ECT2L: variants seen among roughly 807,000 people sequenced by gnomAD.
ECT2L encodes epithelial cell transforming 2 like.
ECT2L carries 126 observed loss-of-function variants against 122.8 expected under a neutral mutation model. The observed-to-expected ratio is 1.03, with a 90% CI of 0.89 to 1.19. ECT2L has a LOEUF of 1.19. Ranked by LOEUF, ECT2L falls within the 50% of genes most tolerant of loss-of-function variation. The pLI is 0.00. For missense variants in ECT2L, 1,012 were observed against 1,064.1 expected, an observed-to-expected ratio of 0.95 and a Z score of 0.68; for synonymous variants, 385 against 381.8, an observed-to-expected ratio of 1.01 and a Z score of -0.10.
intron 20 of ECT2L, among the ~76,000 whole-genome samples, chr6:138,889,529 A>G (rs1778945307): frequency 6.6e-6 from 1 of 152,166 alleles, no homozygotes; most frequent in African/African-American, 2.4e-5. Flanking sequence ...CATGTTGGCC[A>G]GGTTGGTCTC....
At chr6:138,894,776 A>G (rs1411239340) in intron 20 of ECT2L, among the ~76,000 whole-genome samples, 1 of 152,152 alleles carries the variant, frequency 6.6e-6, no homozygotes, top group Non-Finnish European at 1.5e-5. Context: ...CCACTTGTAA[A>G]TGCTACTAAT....
At chr6:138,818,000 C>T (rs987695039) in intron 4 of ECT2L, among the ~76,000 whole-genome samples, 4 of 152,156 alleles carry the variant, frequency 2.6e-5, no homozygotes, top group Non-Finnish European at 4.4e-5. Context: ...CAGAGAAACC[C>T]GTGAGGAGTT....
intron 5 of ECT2L, 118 bp from the exon 6 acceptor site, chr6:138,842,861 A>G (rs1051975094): frequency 5.3e-6 from 5 of 943,488 alleles, no homozygotes; most frequent in Admixed American, 6.0e-5. Flanking sequence ...ACAAATTCTC[A>G]GAGATTTTTG....
chr6:138,798,486 A>T (rs891016051), intron 1 of ECT2L, among the ~76,000 whole-genome samples: 2 of 152,222 alleles, frequency 1.3e-5, no homozygotes, highest in African/African-American at 4.8e-5. Flanking sequence ...TTCTCCTAGC[A>T]TCCCTATCTA....
At chr6:138,835,394 C>A (rs1776797056) in intron 4 of ECT2L, among the ~76,000 whole-genome samples, 1 of 151,610 alleles carries the variant, frequency 6.6e-6, no homozygotes, top group South Asian at 2.1e-4. Context: ...ATTAAAAATA[C>A]AAAAAAATTA....
At position 138,855,904 on chromosome 6, in the gene ECT2L, A is replaced by G. The variant is rs545726594; in HGVS notation, c.1198+1750A>G. Among the ~76,000 whole-genome samples, 3 of 152,384 alleles carry G rather than the reference A, an allele frequency of 2.0e-5. No individual in the cohort carries two copies. The South Asian group carries it at 6.2e-4, about 32-fold the overall frequency. ...GACTTGGGAAAGTATTGAAAGGCAG[A>G]GTAAGAATAAAGCGGGAAAAGTGGA... On this transcript the variant is annotated intron_variant, in intron 10 of 21. Transcript: ENST00000541398.
At chr6:138,885,005 T>C (rs1323508358) in intron 16 of ECT2L, among the ~76,000 whole-genome samples, 2 of 151,308 alleles carry the variant, frequency 1.3e-5, no homozygotes, top group Admixed American at 6.6e-5. Flanking sequence ...CAGGTCTATG[T>C]ATAATTAACA....
chr6:138,892,364 C>G (rs1263113213), intron 20 of ECT2L, among the ~76,000 whole-genome samples: 1 of 152,148 alleles, frequency 6.6e-6, no homozygotes, highest in Non-Finnish European at 1.5e-5. Flanking sequence ...TCTACTTTTT[C>G]CATTAAAGCC....
chr6:138,799,247 A>G (rs1775447140), intron 1 of ECT2L, among the ~76,000 whole-genome samples: 1 of 149,860 alleles, frequency 6.7e-6, no homozygotes, highest in African/African-American at 2.5e-5. Context: ...GTAACCTTGG[A>G]TGATTTTCTG....
Position 138,836,052 on chromosome 6 carries a change from G to A in ECT2L, c.180-2300G>A, listed in dbSNP as rs187351537. Among the ~76,000 whole-genome samples, 63 of 152,130 alleles carry A rather than the reference G, an allele frequency of 4.1e-4. 1 individual carries two copies. Among genetic ancestry groups the A allele is most frequent in the Admixed American group, 3.3e-3 (50 of 15,292 alleles). ...GTTATGCCTTCTTGGCAGGAATAGC[G>A]CGGAAATGATGCTGTGTTCTCAGTG... On this transcript the variant is annotated intron_variant, in intron 4 of 21. Transcript: ENST00000541398.
Position 138,903,433 on chromosome 6 carries a change from T to C in ECT2L, c.*806T>C, listed in dbSNP as rs1303573075. ...CTCAAAAACTTGTCACACTTATCCT[T>C]AGTATGAATGTACTCCTCTAGAGAG... On this transcript the variant is annotated 3_prime_UTR_variant, in exon 22 of 22. Transcript: ENST00000541398. The C allele has an allele frequency of 3.3e-5, 5 of 152,154 alleles. No individual in the cohort carries two copies. The highest frequency in any genetic ancestry group is 6.5e-5 in the Admixed American group (1 of 15,284). 9.4% of individuals were successfully genotyped at this position (152,154 alleles called of 1,614,324 possible). A position where few individuals can be genotyped will look rare whatever the true frequency, so the allele number is the denominator to read the frequency against.
chr6:138,826,454 G>A (rs148186112), intron 4 of ECT2L, among the ~76,000 whole-genome samples: 46 of 152,100 alleles, frequency 3.0e-4, no homozygotes, highest in African/African-American at 9.6e-4. Flanking sequence ...TTGGGAGGCC[G>A]AGGCGGGAGG....
chr6:138,798,647 C>T (rs760986530), intron 1 of ECT2L, among the ~76,000 whole-genome samples: 8 of 152,168 alleles, frequency 5.3e-5, no homozygotes, highest in Non-Finnish European at 1.0e-4. Flanking sequence ...TTCCGAGTTC[C>T]TCATCAATAT....
intron 1 of ECT2L, among the ~76,000 whole-genome samples, chr6:138,803,429 T>A (rs1165323905): frequency 3.9e-5 from 6 of 152,098 alleles, no homozygotes; most frequent in Non-Finnish European, 8.8e-5. Context: ...ATTATATAAC[T>A]CAGTAATCCC....
intron 1 of ECT2L, among the ~76,000 whole-genome samples, chr6:138,804,999 C>T (rs1184020966): frequency 6.6e-6 from 1 of 152,156 alleles, no homozygotes. Context: ...AATCATTACC[C>T]TCTCTTTCCT....
At chr6:138,797,561 C>A (rs1297987739) in intron 1 of ECT2L, among the ~76,000 whole-genome samples, 2 of 152,136 alleles carry the variant, frequency 1.3e-5, no homozygotes, top group Non-Finnish European at 2.9e-5. Flanking sequence ...TCTGTGTGAT[C>A]CCAGTGAGGA....
rs1358246949 is a variant in ECT2L, at chr6:138,814,572, A to G, written c.148A>G (p.Ile50Val). ...NKQRQEFLFA[I>V]FLRCTKSQLR... ...GCAACGTCAAGAATTCTTATTCGCAATTTTTTTAAGATGCACTAAATCACA... is the reference window on the plus strand; with the variant it reads ...GCAACGTCAAGAATTCTTATTCGCAGTTTTTTTAAGATGCACTAAATCACA... Residue 50 changes from isoleucine to valine, a missense_variant, in exon 4 of 22, where the codon ATT becomes GTT. Transcript: ENST00000541398. The G allele has an allele frequency of 6.2e-7, 1 of 1,612,022 alleles. No homozygotes were observed. The highest frequency in any genetic ancestry group is 8.5e-7 in the Non-Finnish European group (1 of 1,178,574).
intron 4 of ECT2L, among the ~76,000 whole-genome samples, chr6:138,828,301 T>C (rs1413832706): frequency 6.6e-6 from 1 of 152,196 alleles, no homozygotes; most frequent in African/African-American, 2.4e-5. Context: ...TACATTGCAA[T>C]TGATTAATAT....
chr6:138,843,674 T>C (rs777029745), intron 6 of ECT2L, among the ~76,000 whole-genome samples: 19 of 152,074 alleles, frequency 1.2e-4, no homozygotes, highest in Admixed American at 3.3e-4. Context: ...CCTCTTTCAG[T>C]TAAGCCCCCT....
Sources: gnomAD v4.1 joint callset for allele counts (sites outside exome capture counted in the v4.1 genomes callset) on GRCh38, gnomAD v4.1.1 for gene constraint, MANE v1.5 for transcripts, NCBI Gene and HGNC (gene_info 2026-07-23, HGNC 2026-07-21) for gene names.